The following EP400 variants were observed in gnomAD, a reference collection of about 807,000 sequenced individuals.
The protein encoded by EP400 is E1A-binding protein p400.
A neutral mutation model predicts 354.1 loss-of-function variants in EP400; 105 were observed. The observed-to-expected ratio is 0.30, with a 90% CI of 0.25 to 0.35. The LOEUF (loss-of-function observed/expected upper bound fraction) is 0.35. Ranked by LOEUF, EP400 falls within the 10% of genes least tolerant of loss-of-function variation. The pLI is 1.00. For missense variants in EP400, 3,280 were observed against 4,121.0 expected, an observed-to-expected ratio of 0.80 and a Z score of 5.59; for synonymous variants, 1,646 against 1,716.9, an observed-to-expected ratio of 0.96 and a Z score of 1.02.
chr12:132,052,717 G>A lies in EP400; in HGVS notation c.7395-429G>A, dbSNP rs534288282. 9.9e-5 allele frequency among the ~76,000 whole-genome samples: 15 copies of A among 152,230 alleles called. No homozygotes were observed. Among genetic ancestry groups the A allele is most frequent in the East Asian group, 5.8e-4 (3 of 5,174 alleles). ...ATATTTATGGACCGCGGGCCTGCGC[G>A]GCGTGGAGCCTGGGCATTCTCGGGG... is the stretch of plus-strand genomic sequence containing the variant. On this transcript the variant is annotated intron_variant, in intron 41 of 52. Transcript: ENST00000389561. This position sits in a 1 kb window ranked among gnomAD's most constrained non-coding sequence, Gnocchi z 4.4.
chr12:132,042,875 C>G (rs1314779504), intron 32 of EP400, among the ~76,000 whole-genome samples: 5 of 152,226 alleles, frequency 3.3e-5, no homozygotes, highest in Non-Finnish European at 7.3e-5. Flanking sequence ...GTTGGGCTGT[C>G]CGTCTGCTGT....
chr12:131,990,166 TC>T lies in EP400; in HGVS notation c.2550+65del. On this transcript the variant is annotated intron_variant, in intron 8 of 52. Transcript: ENST00000389561. The surrounding 1 kb of genome is among the most constrained non-coding windows in gnomAD (Gnocchi z 4.2). ...GTCTGTCGGAGCTGGTGAGGCCACT[TC>T]CCGAGACCAGAGCTCGGGCACCTTG... 1 of 1,544,082 alleles carries T rather than the reference TC, an allele frequency of 6.5e-7. No homozygotes were observed. Among genetic ancestry groups the T allele is most frequent in the Non-Finnish European group, 8.7e-7 (1 of 1,150,144 alleles).
chr12:131,976,225 G>A lies in EP400; in HGVS notation c.1336-3469G>A, dbSNP rs117167570. Among the ~76,000 whole-genome samples the A allele has an allele frequency of 7.2e-3, 1,095 of 152,166 alleles. 35 individuals are homozygous for A. The South Asian group carries it at 0.094, about 13-fold the overall frequency. On this transcript the variant is annotated intron_variant, in intron 2 of 52. Coordinates refer to ENST00000389561, the MANE Select transcript of EP400 (RefSeq NM_015409.5). Reference sequence around the variant, plus strand: ...TATCCTTGCCTGCTTATTCTAGTACGTGGGTCATCTTGAGGTTGGTGTCTG... The same window carrying A: ...TATCCTTGCCTGCTTATTCTAGTACATGGGTCATCTTGAGGTTGGTGTCTG...
chr12:132,035,613 ACGT>A (rs1474740285), intron 30 of EP400, among the ~76,000 whole-genome samples: 2 of 147,586 alleles, frequency 1.4e-5, no homozygotes, highest in Non-Finnish European at 3.0e-5. Context: ...TTCACACGGA[ACGT>A]CGTGGAAGGG....
rs996739656 is a variant in EP400, at chr12:132,016,333, C to T, written c.3924-1202C>T. On this transcript the variant is annotated intron_variant, in intron 19 of 52. Coordinates refer to ENST00000389561, the MANE Select transcript of EP400 (RefSeq NM_015409.5). Reference sequence around the variant, plus strand: ...TGTGGGGACTCAGGACTCCAGGCGCCGTCTCTCCTGTGGAGCCCTCCTGCT... The same window carrying T: ...TGTGGGGACTCAGGACTCCAGGCGCTGTCTCTCCTGTGGAGCCCTCCTGCT... Among the ~76,000 whole-genome samples, 4 of 152,102 alleles carry T rather than the reference C, an allele frequency of 2.6e-5. No homozygotes were observed. In the South Asian group the frequency reaches 6.2e-4, roughly 24 times the overall value.
chr12:132,050,194 A>G lies in EP400; in HGVS notation c.7201-129A>G. 8.4e-7 allele frequency: 1 copy of G among 1,186,880 alleles called. No individual in the cohort carries two copies. Among genetic ancestry groups the G allele is most frequent in the Non-Finnish European group, 1.2e-6 (1 of 847,756 alleles). 73.5% of individuals were successfully genotyped at this position (1,186,880 alleles called of 1,614,324 possible). On this transcript the variant is annotated intron_variant, in intron 39 of 52. Coordinates refer to ENST00000389561, the MANE Select transcript of EP400 (RefSeq NM_015409.5). The surrounding 1 kb of genome is among the most constrained non-coding windows in gnomAD (Gnocchi z 4.8). ...ATGCCTGAACTTGGAAAGAAGGCCC[A>G]GGAAAAGGAAGTTTGTGTTCAGCCA... is the stretch of plus-strand genomic sequence containing the variant.
In EP400 at chr12:132,045,326, C is replaced by T; in HGVS notation, c.6792C>T (p.Gly2264=). The part of the protein sequence containing the change: ...KRHKTDPSAA[G]RKKKQRHGEA... ...GACTGCCTCTCTGTTCAGCTGCAGG[C>T]AGGAAGAAGAAGCAGCGTCACGGGG... Residue 2264 remains glycine (G), a synonymous_variant, in exon 38 of 53, where the codon GGC becomes GGT. Transcript: ENST00000389561. The T allele has an allele frequency of 6.8e-6, 11 of 1,614,164 alleles. No homozygotes were observed. The highest frequency in any genetic ancestry group is 9.3e-6 in the Non-Finnish European group (11 of 1,180,028).
rs569031793 is a variant in EP400, at chr12:132,021,388, G to A, written c.4690+67G>A. 2.1e-4 allele frequency: 305 copies of A among 1,437,468 alleles called. 4 individuals carry two copies. In the South Asian group the frequency reaches 3.8e-3, roughly 18 times the overall value. 89.0% of individuals were successfully genotyped at this position (1,437,468 alleles called of 1,614,324 possible). A position where few individuals can be genotyped will look rare whatever the true frequency, so the allele number is the denominator to read the frequency against. On this transcript the variant is annotated intron_variant, in intron 23 of 52. Transcript: ENST00000389561. ...CCCAGAGGAGTTGTGTTAAGAACACGGGGATGTAGGAGGAGCCTTGCTGTC... is the reference window on the plus strand; with the variant it reads ...CCCAGAGGAGTTGTGTTAAGAACACAGGGATGTAGGAGGAGCCTTGCTGTC...
intron 30 of EP400, 50 bp downstream of exon 30, chr12:132,032,199 T>C (rs1894535250): frequency 1.3e-6 from 2 of 1,568,748 alleles, no homozygotes; most frequent in African/African-American, 1.4e-5. Context: ...CATCCACATA[T>C]ACAGGTGAGG....
chr12:131,953,942 G>A (rs531453662), intron 1 of EP400, among the ~76,000 whole-genome samples: 5 of 151,926 alleles, frequency 3.3e-5, no homozygotes, highest in South Asian at 2.1e-4. Flanking sequence ...GTGAAACTCC[G>A]TCTGTACTAA....
At chr12:131,996,125 C>T (rs1893205889) in intron 12 of EP400, among the ~76,000 whole-genome samples, 1 of 151,970 alleles carries the variant, frequency 6.6e-6, no homozygotes, top group Admixed American at 6.6e-5. Context: ...AATATGTGAC[C>T]GACTCTTTTT....
At chr12:132,063,010 C>A (rs961353008) in intron 47 of EP400, among the ~76,000 whole-genome samples, 4 of 152,144 alleles carry the variant, frequency 2.6e-5, no homozygotes, top group Non-Finnish European at 2.9e-5. Flanking sequence ...TCTAGGCCCG[C>A]TTGGTGTGGT....
chr12:132,050,702 A>G lies in EP400; in HGVS notation c.7394+47A>G. On this transcript the variant is annotated intron_variant, in intron 41 of 52. Transcript: ENST00000389561. The surrounding 1 kb of genome is among the most constrained non-coding windows in gnomAD (Gnocchi z 4.8). ...ATTTGTTACTGTTTGGAAGGATTTC[A>G]TTCCAGTGTCATCTAAGTTCAGTGA... The G allele has an allele frequency of 6.2e-7, 1 of 1,603,536 alleles. No individual in the cohort carries two copies. The highest frequency in any genetic ancestry group is 8.5e-7 in the Non-Finnish European group (1 of 1,170,464).
At chr12:132,072,078 A>C (rs1430639491) in intron 51 of EP400, among the ~76,000 whole-genome samples, 1 of 152,042 alleles carries the variant, frequency 6.6e-6, no homozygotes, top group Non-Finnish European at 1.5e-5. Flanking sequence ...TGTGTGTGTG[A>C]CCTCACGGCA....
At chr12:132,035,993 G>A (rs996720057) in intron 30 of EP400, among the ~76,000 whole-genome samples, 9 of 142,410 alleles carry the variant, frequency 6.3e-5, no homozygotes, top group South Asian at 4.5e-4. Flanking sequence ...CACACGGAAC[G>A]TCATGGAAGG....
intron 32 of EP400, among the ~76,000 whole-genome samples, chr12:132,040,986 G>T (rs1285878058): frequency 6.6e-6 from 1 of 152,188 alleles, no homozygotes; most frequent in Non-Finnish European, 1.5e-5. Flanking sequence ...GAGGACAACT[G>T]GGGGACATGT....
rs369463916 is a variant in EP400 at position 132,022,600 on chromosome 12, A to G, written c.4691-1177A>G. ...GTAGTACCTTTTTGAGTTGGGGGCA[A>G]ATGACCACATCTGAGTTATGTTTTT... On this transcript the variant is annotated intron_variant, in intron 23 of 52. Coordinates refer to ENST00000389561, the MANE Select transcript of EP400 (RefSeq NM_015409.5). 2.2e-3 allele frequency among the ~76,000 whole-genome samples: 340 copies of G among 152,320 alleles called. 3 individuals carry two copies. The highest frequency in any genetic ancestry group is 7.7e-3 in the African/African-American group (321 of 41,568).
intron 50 of EP400, chr12:132,069,173 C>T (rs1248521622): frequency 3.1e-6 from 1 of 325,954 alleles, no homozygotes; most frequent in Admixed American, 4.5e-5. Flanking sequence ...AAGTAGCAGC[C>T]CCGTGCAGGT....
intron 34 of EP400, 53 bp from the exon 35 acceptor site, chr12:132,044,124 C>A (rs528575075): frequency 6.3e-7 from 1 of 1,598,982 alleles, no homozygotes; most frequent in Non-Finnish European, 8.5e-7. Context: ...GACTCGGGGG[C>A]TGCTCTGAGC....
Sources: allele counts gnomAD v4.1 joint callset (sites outside exome capture counted in the v4.1 genomes callset), GRCh38; gene constraint gnomAD v4.1.1; non-coding constraint Gnocchi (gnomAD v3.1); transcripts MANE v1.5; gene names NCBI Gene and HGNC (gene_info 2026-07-23, HGNC 2026-07-21).